PIP5K1B: variants seen among roughly 807,000 people sequenced by gnomAD.
PIP5K1B encodes the protein phosphatidylinositol-4-phosphate 5-kinase type 1 beta, also known as phosphatidylinositol 4-phosphate 5-kinase type-1 beta.
A neutral mutation model predicts 67.0 loss-of-function variants in PIP5K1B; 42 were observed. That is an observed-to-expected ratio of 0.63 (90% confidence interval 0.49 to 0.81). The LOEUF (loss-of-function observed/expected upper bound fraction) is 0.81, where lower values mean the gene tolerates loss of function less well. Among genes scored for constraint, PIP5K1B ranks in the 30% least tolerant of loss-of-function variants. PIP5K1B has a pLI of 0.00. For synonymous variants in PIP5K1B, 214 were observed against 231.4 expected, an observed-to-expected ratio of 0.92 and a Z score of 0.68; for missense variants, 459 against 646.3, an observed-to-expected ratio of 0.71 and a Z score of 3.14.
At chr9:68,829,551 T>C (rs922228201) in intron 4 of PIP5K1B, among the ~76,000 whole-genome samples, 5 of 152,206 alleles carry the variant, frequency 3.3e-5, no homozygotes, top group Non-Finnish European at 7.3e-5. Context: ...CTGCGTCTTA[T>C]GATGCAGAGG....
chr9:68,762,840 G>C (rs1239524616), intron 2 of PIP5K1B, among the ~76,000 whole-genome samples: 3 of 151,984 alleles, frequency 2.0e-5, no homozygotes, highest in Non-Finnish European at 4.4e-5. Flanking sequence ...AAGACAATGG[G>C]GATACTATCC....
At chr9:68,935,658 T>C (rs1424217137) in intron 13 of PIP5K1B, among the ~76,000 whole-genome samples, 1 of 152,210 alleles carries the variant, frequency 6.6e-6, no homozygotes, top group African/African-American at 2.4e-5. Flanking sequence ...TTCTAGACCT[T>C]ATTCTGTACA....
chr9:68,915,481 GTCTT>G (rs910764121), intron 8 of PIP5K1B, among the ~76,000 whole-genome samples: 1 of 152,154 alleles, frequency 6.6e-6, no homozygotes, highest in Non-Finnish European at 1.5e-5. Flanking sequence ...ACATAAAACA[GTCTT>G]TCTTTCTCCC....
At chr9:68,804,981 G>A (rs548992601) in intron 2 of PIP5K1B, among the ~76,000 whole-genome samples, 8 of 152,312 alleles carry the variant, frequency 5.3e-5, no homozygotes, top group Non-Finnish European at 8.8e-5. Flanking sequence ...TCACCTAAAC[G>A]CCTAACTGGT....
At chr9:68,872,685 T>C (rs1823686580) in intron 5 of PIP5K1B, among the ~76,000 whole-genome samples, 1 of 152,220 alleles carries the variant, frequency 6.6e-6, no homozygotes. Flanking sequence ...GGATTTTTTA[T>C]GTATATGCAT....
chr9:68,951,346 C>T (rs758964545), intron 14 of PIP5K1B, among the ~76,000 whole-genome samples: 95 of 152,340 alleles, frequency 6.2e-4, no homozygotes, highest in Middle Eastern at 3.4e-3. Context: ...TCTGTCTTTT[C>T]TTTCATTGCT....
intron 2 of PIP5K1B, among the ~76,000 whole-genome samples, chr9:68,818,170 G>A (rs368901843): frequency 1.3e-5 from 2 of 152,178 alleles, no homozygotes; most frequent in African/African-American, 4.8e-5. Context: ...TGTGCATCTG[G>A]TAACTGATCG....
chr9:68,842,391 A>G (rs951546444), intron 4 of PIP5K1B, among the ~76,000 whole-genome samples: 6 of 152,208 alleles, frequency 3.9e-5, no homozygotes, highest in Non-Finnish European at 5.9e-5. Context: ...AAAAATAGTA[A>G]TATCACTTCA....
At chr9:68,841,821 G>A (rs1821935823) in intron 4 of PIP5K1B, among the ~76,000 whole-genome samples, 3 of 152,228 alleles carry the variant, frequency 2.0e-5, no homozygotes, top group Admixed American at 6.5e-5. Context: ...AAGAAGGATT[G>A]TAGGGTGGGT....
chr9:68,848,693 T>C (rs1822322937), intron 4 of PIP5K1B, among the ~76,000 whole-genome samples: 1 of 152,232 alleles, frequency 6.6e-6, no homozygotes, highest in Non-Finnish European at 1.5e-5. Flanking sequence ...TGTGAGAGCA[T>C]ACAATTTTAA....
chr9:69,008,124 C>A (rs1025922058), intron 15 of PIP5K1B, among the ~76,000 whole-genome samples: 7 of 152,166 alleles, frequency 4.6e-5, no homozygotes, highest in Non-Finnish European at 7.3e-5. Context: ...ATCTAATATA[C>A]CACAGCACAT....
chr9:68,917,011 A>C (rs1156525633), intron 8 of PIP5K1B, among the ~76,000 whole-genome samples: 2 of 152,242 alleles, frequency 1.3e-5, no homozygotes, highest in African/African-American at 4.8e-5. Context: ...TGAGGAAGAT[A>C]CAAGCGTACA....
At chr9:68,889,393 A>G (rs576396923) in intron 7 of PIP5K1B, among the ~76,000 whole-genome samples, 1 of 152,286 alleles carries the variant, frequency 6.6e-6, no homozygotes, top group African/African-American at 2.4e-5. Flanking sequence ...TGTGACCCTG[A>G]GTAAGCAGCA....
intron 14 of PIP5K1B, among the ~76,000 whole-genome samples, chr9:68,965,260 ATGAC>A: frequency 6.6e-6 from 1 of 152,324 alleles, no homozygotes; most frequent in East Asian, 1.9e-4. Flanking sequence ...TACATATTCT[ATGAC>A]TCAATTAGTT....
chr9:68,863,793 C>G (rs200914477), intron 4 of PIP5K1B, 44 bp from the exon 5 acceptor site: 2 of 1,590,614 alleles, frequency 1.3e-6, no homozygotes, highest in Admixed American at 3.4e-5. Flanking sequence ...TGAACAAGGC[C>G]CTGACTGTTA....
Position 68,878,420 on chromosome 9 carries a change from A to G in PIP5K1B, c.318+1626A>G, listed in dbSNP as rs1225383021. Among the ~76,000 whole-genome samples the G allele has an allele frequency of 3.9e-5, 6 of 152,190 alleles. No individual in the cohort carries two copies. In the East Asian group the frequency reaches 1.2e-3, roughly 29 times the overall value. The stretch of plus-strand genomic sequence containing the variant: ...GATCCTTTTCTGAACAACTTCCCAC[A>G]CAGCCTCCCCAAGTTTCCTAATGAG... On this transcript the variant is annotated intron_variant, in intron 6 of 15. Coordinates refer to ENST00000265382, the MANE Select transcript of PIP5K1B (RefSeq NM_003558.4).
rs528468947 is a variant in PIP5K1B at position 68,736,086 on chromosome 9, C to T, written c.-242-6415C>T. ...ACGGAAAGCGCATGTGAGTGGCTGT[C>T]GTGGGAGCTGTGTACTGCTGTGGAG... is the stretch of plus-strand genomic sequence containing the variant. On this transcript the variant is annotated intron_variant, in intron 1 of 15. Coordinates refer to ENST00000265382, the MANE Select transcript of PIP5K1B (RefSeq NM_003558.4). Among the ~76,000 whole-genome samples the T allele has an allele frequency of 4.9e-3, 739 of 152,142 alleles. 3 individuals carry two copies. Among genetic ancestry groups the T allele is most frequent in the South Asian group, 0.019 (92 of 4,818 alleles).
intron 2 of PIP5K1B, among the ~76,000 whole-genome samples, chr9:68,762,587 T>C (rs1261086543): frequency 4.6e-5 from 7 of 152,246 alleles, no homozygotes; most frequent in African/African-American, 1.7e-4. Context: ...AGGAAGCTGA[T>C]ATAGAAGAGA....
At chr9:68,953,777 G>C (rs577027419) in intron 14 of PIP5K1B, among the ~76,000 whole-genome samples, 1 of 138,832 alleles carries the variant, frequency 7.2e-6, no homozygotes, top group East Asian at 2.1e-4. Context: ...TTGTACTCCA[G>C]CCTGGGCAAC....
Sources: allele counts gnomAD v4.1 joint callset (sites outside exome capture counted in the v4.1 genomes callset), GRCh38; gene constraint gnomAD v4.1.1; transcripts MANE v1.5; gene names NCBI Gene and HGNC (gene_info 2026-07-23, HGNC 2026-07-21).